The following SVEP1 variants were observed in gnomAD, a reference collection of about 807,000 sequenced individuals.
The protein encoded by SVEP1 is sushi, von Willebrand factor type A, EGF and pentraxin domain-containing protein 1.
A neutral mutation model predicts 367.3 loss-of-function variants in SVEP1; 164 were observed. The ratio of observed to expected loss-of-function variants is 0.45; its 90% CI spans 0.39 to 0.51. The LOEUF (loss-of-function observed/expected upper bound fraction) is 0.51. Among genes scored for constraint, SVEP1 ranks in the 20% least tolerant of loss-of-function variants. SVEP1 has a pLI of 0.00. For missense variants in SVEP1, 4,117 were observed against 4,425.3 expected (o/e 0.93, Z 1.98); for synonymous variants, 1,666 against 1,611.6 (o/e 1.03, Z -0.81).
At chr9:110,480,189 T>G (rs1437241278) in intron 12 of SVEP1, among the ~76,000 whole-genome samples, 1 of 152,214 alleles carries the variant, frequency 6.6e-6, no homozygotes, top group African/African-American at 2.4e-5. Context: ...TCATATTCCT[T>G]GAAAGTGTAA....
At chr9:110,432,743 T>C (rs2118559789) in intron 30 of SVEP1, 108 bp from the exon 31 acceptor site, 1 of 1,304,024 alleles carries the variant, frequency 7.7e-7, no homozygotes, top group Non-Finnish European at 1.1e-6. Context: ...TTTTACTGAA[T>C]GCAAACATCA....
At chr9:110,528,186 A>ATATATATATG (rs1829970583) in intron 3 of SVEP1, among the ~76,000 whole-genome samples, 1 of 139,630 alleles carries the variant, frequency 7.2e-6, no homozygotes, top group Non-Finnish European at 1.6e-5. Context: ...ATATATATAT[A>ATATATATATG]TGCCACATTT....
chr9:110,428,965 A>G (rs1828304838), intron 35 of SVEP1, among the ~76,000 whole-genome samples, 178 bp downstream of exon 35: 1 of 152,188 alleles, frequency 6.6e-6, no homozygotes. Flanking sequence ...TGCACTCAGG[A>G]GGCTGAAGTG....
chr9:110,407,094 G>T lies in SVEP1; in HGVS notation c.8506C>A (p.Pro2836Thr). The T allele has an allele frequency of 1.2e-6, 2 of 1,613,994 alleles. No individual in the cohort carries two copies. The highest frequency in any genetic ancestry group is 1.7e-6 in the Non-Finnish European group (2 of 1,179,884). Residue 2836 changes from proline (P) to threonine (T), a missense_variant, in exon 38 of 48, where the codon CCC becomes ACC. By Grantham distance (38) the Pro-to-Thr change is conservative. Transcript: ENST00000374469. ...ACCTGGCCATTGGCTGAGACTGGGG[G>T]TGAACTGCAGTCCACAGGAATGCAA... is the stretch of plus-strand genomic sequence containing the variant. ...PICIPVDCSS[P>T]PVSANGQVRG...
At chr9:110,467,636 CTTT>C (rs11366981) in intron 17 of SVEP1, among the ~76,000 whole-genome samples, 21 of 133,904 alleles carry the variant, frequency 1.6e-4, no homozygotes, top group East Asian at 2.2e-4. Flanking sequence ...GTCTTTTTTA[CTTT>C]TTTTTTTTTT....
chr9:110,483,837 A>C (rs780291306), intron 9 of SVEP1, 144 bp from the exon 10 acceptor site: 43 of 478,190 alleles, frequency 9.0e-5, no homozygotes, highest in Non-Finnish European at 1.4e-4. Flanking sequence ...GGCTCCTGTG[A>C]TATCTTTTCC....
chr9:110,465,033 T>C (rs1828913364), intron 18 of SVEP1, among the ~76,000 whole-genome samples: 2 of 152,164 alleles, frequency 1.3e-5, no homozygotes, highest in African/African-American at 2.4e-5. Flanking sequence ...TACTTAAAAA[T>C]TGGAACTCTA....
intron 12 of SVEP1, 70 bp downstream of exon 12, chr9:110,481,172 C>A (rs749027300): frequency 5.0e-6 from 6 of 1,205,388 alleles, no homozygotes; most frequent in Non-Finnish European, 6.4e-6. Context: ...GGCAATTTTC[C>A]TCTTTAACAC....
chr9:110,366,720 CT>C (rs1169251256), intron 47 of SVEP1, among the ~76,000 whole-genome samples, 160 bp from the exon 48 acceptor site: 1 of 152,148 alleles, frequency 6.6e-6, no homozygotes, highest in African/African-American at 2.4e-5. Flanking sequence ...TTTGAGATAA[CT>C]AAGAGGCATG....
At chr9:110,492,479 G>A (rs937870757) in intron 8 of SVEP1, among the ~76,000 whole-genome samples, 10 of 151,960 alleles carry the variant, frequency 6.6e-5, no homozygotes, top group African/African-American at 2.4e-4. Context: ...GTAATGAAAG[G>A]CTTATGCATG....
At chr9:110,444,738 T>C (rs1270200415) in intron 26 of SVEP1, among the ~76,000 whole-genome samples, 3 of 150,962 alleles carry the variant, frequency 2.0e-5, no homozygotes, top group African/African-American at 7.2e-5. Flanking sequence ...CAGATCCTGT[T>C]TACAGAGGTT....
At chr9:110,395,322 A>G (rs1564129471) in intron 40 of SVEP1, among the ~76,000 whole-genome samples, 1 of 152,232 alleles carries the variant, frequency 6.6e-6, no homozygotes, top group Non-Finnish European at 1.5e-5. Flanking sequence ...TGTCACCACC[A>G]GGCCTGCCCT....
chr9:110,456,248 A>T (rs1405686990), intron 21 of SVEP1, among the ~76,000 whole-genome samples: 2 of 152,118 alleles, frequency 1.3e-5, no homozygotes, highest in African/African-American at 4.8e-5. Flanking sequence ...CTCAGGCTGT[A>T]CTCCAGACCC....
At chr9:110,375,743 GTGCTT>G (rs1411931451) in intron 45 of SVEP1, among the ~76,000 whole-genome samples, 4 of 149,254 alleles carry the variant, frequency 2.7e-5, no homozygotes, top group Non-Finnish European at 4.4e-5. Flanking sequence ...TGTCTGCAAA[GTGCTT>G]TGCTTTAACT....
intron 10 of SVEP1, 96 bp from the exon 11 acceptor site, chr9:110,482,588 A>G: frequency 1.4e-6 from 2 of 1,411,868 alleles, no homozygotes; most frequent in South Asian, 2.9e-5. Flanking sequence ...GTGCAATGGC[A>G]TGATCTCGGC....
intron 1 of SVEP1, among the ~76,000 whole-genome samples, chr9:110,571,243 ACAGGCGTGAGCCACCATGCCTAGC>A (rs1830559235): frequency 6.6e-6 from 1 of 152,178 alleles, no homozygotes; most frequent in Non-Finnish European, 1.5e-5. Context: ...TGCTGGGATT[ACAGGCGTGAGCCACCATGCCTAGC>A]CAAGCTTAGC....
chr9:110,427,770 AATG>A lies in SVEP1; in HGVS notation c.5808-15_5808-13del, dbSNP rs1182066412. 1 of 1,605,576 alleles carries A rather than the reference AATG, an allele frequency of 6.2e-7. No homozygotes were observed. The highest frequency in any genetic ancestry group is 1.1e-5 in the South Asian group (1 of 89,598). ...AAGGGCCCTGTAAGCTGCGGGAAAG[AATG>A]ATGTTACTCTTTCATTGGCTATGGA... On this transcript the variant is annotated splice_polypyrimidine_tract_variant and intron_variant, in intron 35 of 47. Transcript: ENST00000374469.
intron 5 of SVEP1, among the ~76,000 whole-genome samples, chr9:110,504,100 G>A (rs1431032604): frequency 6.6e-6 from 1 of 151,632 alleles, no homozygotes; most frequent in African/African-American, 2.4e-5. Context: ...TGCTGCCCAG[G>A]CTGAAGTGCA....
chr9:110,540,533 T>G (rs1830131468), intron 3 of SVEP1, among the ~76,000 whole-genome samples: 1 of 152,136 alleles, frequency 6.6e-6, no homozygotes, highest in South Asian at 2.1e-4. Context: ...ATCTGGGTAT[T>G]CCTGTTTTTC....
Sources: gnomAD v4.1 joint callset for allele counts (sites outside exome capture counted in the v4.1 genomes callset) on GRCh38, gnomAD v4.1.1 for gene constraint, MANE v1.5 for transcripts, NCBI Gene and HGNC (gene_info 2026-07-23, HGNC 2026-07-21) for gene names.